CSNK1G2: variants seen among roughly 807,000 people sequenced by gnomAD.
CSNK1G2 encodes casein kinase 1 gamma 2.
CSNK1G2 carries 11 observed loss-of-function variants against 48.0 expected under a neutral mutation model. That is an observed-to-expected ratio of 0.23 (90% CI 0.14 to 0.38). The LOEUF (loss-of-function observed/expected upper bound fraction) is 0.38, where lower values mean the gene tolerates loss of function less well. Ranked by LOEUF, CSNK1G2 falls within the 10% of genes least tolerant of loss-of-function variation. The pLI is 1.00. For synonymous variants in CSNK1G2, 337 were observed against 254.1 expected, an observed-to-expected ratio of 1.33 and a Z score of -3.10; for missense variants, 446 against 595.5, an observed-to-expected ratio of 0.75 and a Z score of 2.61.
chr19:1,953,526 C>T lies in CSNK1G2; in HGVS notation c.-266+12108C>T, dbSNP rs774828687. The T allele has an allele frequency of 1.1e-5, 6 of 528,792 alleles. 1 individual carries two copies. The highest frequency in any genetic ancestry group is 8.5e-5 in the South Asian group (6 of 70,656). The allele number at this position is 528,792 out of a possible 1,614,324, so 32.8% of individuals were successfully genotyped here. A position where few individuals can be genotyped will look rare whatever the true frequency, so the allele number is the denominator to read the frequency against. ...CATAATCTGAATTTTGGGAAAATTG[C>T]CCCTATGTGGACTAGTTGCAGGGAC... On this transcript the variant is annotated intron_variant, in intron 1 of 11. Transcript: ENST00000255641.
chr19:1,971,772 T>A (rs1228475961), intron 2 of CSNK1G2, among the ~76,000 whole-genome samples: 1 of 148,164 alleles, frequency 6.7e-6, no homozygotes, highest in Admixed American at 6.7e-5. Context: ...CCAGCTTTTT[T>A]TTTTTTTTTT....
Position 1,979,659 on chromosome 19 carries a change from C to T in CSNK1G2, c.1002+16C>T. The T allele has an allele frequency of 6.2e-7, 1 of 1,601,822 alleles. No homozygotes were observed. Among genetic ancestry groups the T allele is most frequent in the Non-Finnish European group, 8.5e-7 (1 of 1,179,702 alleles). ...GAAGCCCCTGGTAGGTGGGGGGGTG[C>T]CGGTATGTGGGAGCGGGGGACCGGG... On this transcript the variant is annotated intron_variant, in intron 9 of 11. Coordinates refer to ENST00000255641, the MANE Select transcript of CSNK1G2 (RefSeq NM_001319.7).
Position 1,978,927 on chromosome 19 carries a change from G to C in CSNK1G2, c.516G>C (p.Leu172=). The C allele has an allele frequency of 6.2e-7, 1 of 1,602,422 alleles. No individual in the cohort carries two copies. The highest frequency in any genetic ancestry group is 8.5e-7 in the Non-Finnish European group (1 of 1,179,628). The change falls in exon 6 of 12, where the codon CTG becomes CTC. Residue 172 remains leucine, a synonymous_variant. Transcript: ENST00000255641. This position sits in a 1 kb window ranked among gnomAD's most constrained non-coding sequence, Gnocchi z 7.3. ...IYRDVKPENF[L]VGRPGTKRQH... is the part of the protein sequence containing the mutation. Reference sequence around the variant, plus strand: ...GGGACGTGAAGCCCGAGAACTTCCTGGTGGGCCGCCCGGGGACCAAGCGGC... The same window carrying C: ...GGGACGTGAAGCCCGAGAACTTCCTCGTGGGCCGCCCGGGGACCAAGCGGC...
At position 1,967,726 on chromosome 19, in the gene CSNK1G2, CTCCTCCT is replaced by C. The variant is rs1260884369; in HGVS notation, c.-265-1775_-265-1769del. ...CCACCCTTCAGTTCTGCAGGTGGGG[CTCCTCCT>C]TCCTCCCTCCTCCCCAGGCTGCCCC... On this transcript the variant is annotated intron_variant, in intron 1 of 11. Transcript: ENST00000255641. Among the ~76,000 whole-genome samples the C allele has an allele frequency of 6.7e-3, 522 of 78,286 alleles. 2 individuals carry two copies. Among genetic ancestry groups the C allele is most frequent in the Non-Finnish European group, 7.7e-3 (333 of 43,076 alleles). The allele number at this position is 78,286 out of a possible 152,430, so 51.4% of individuals were successfully genotyped here.
intron 1 of CSNK1G2, chr19:1,954,469 C>T (rs1375635657): frequency 6.3e-6 from 1 of 158,572 alleles, no homozygotes; most frequent in Non-Finnish European, 1.4e-5. Context: ...CGGCCGGGTC[C>T]ACATGAGTCT....
intron 1 of CSNK1G2, among the ~76,000 whole-genome samples, chr19:1,947,535 C>T (rs937488487): frequency 4.6e-5 from 7 of 152,320 alleles, no homozygotes; most frequent in East Asian, 1.9e-4. Flanking sequence ...GTTCCCAGGA[C>T]GGGAGCCTGA....
intron 2 of CSNK1G2, among the ~76,000 whole-genome samples, chr19:1,973,010 CT>C (rs1015471039): frequency 1.6e-4 from 24 of 150,700 alleles, no homozygotes; most frequent in Non-Finnish European, 3.4e-4. Flanking sequence ...TCACTGCAAG[CT>C]CTGCCTCCCA....
intron 1 of CSNK1G2, among the ~76,000 whole-genome samples, chr19:1,962,082 C>A (rs550143651): frequency 1.5e-4 from 23 of 152,334 alleles, no homozygotes; most frequent in African/African-American, 5.1e-4. Flanking sequence ...GTAATCCCAA[C>A]ACTTTGGGAG....
chr19:1,979,431 TGCCCCCCACCCCCC>T, intron 8 of CSNK1G2, 28 bp downstream of exon 8: 1 of 938,058 alleles, frequency 1.1e-6, no homozygotes, highest in Non-Finnish European at 1.6e-6. Context: ...CCCCGCCCTG[TGCCCCCCACCCCCC>T]ACCCCCCACC....
chr19:1,954,186 TC>T (rs2014895834), intron 1 of CSNK1G2: 1 of 388,812 alleles, frequency 2.6e-6, no homozygotes, highest in Admixed American at 3.3e-5. Context: ...CCGCGGCAGC[TC>T]CTGCGCCCCT....
At chr19:1,952,942 T>A (rs1475915763) in intron 1 of CSNK1G2, 1 of 440,686 alleles carries the variant, frequency 2.3e-6, no homozygotes, top group Non-Finnish European at 4.4e-6. Context: ...CGGGGCGGGA[T>A]GTCGCCCGGC....
intron 6 of CSNK1G2, 32 bp downstream of exon 6, chr19:1,979,125 G>A (rs991097765): frequency 5.1e-6 from 8 of 1,569,132 alleles, no homozygotes; most frequent in Middle Eastern, 1.7e-4. Context: ...GGGGGCGGGC[G>A]CCCGGACCCC....
At chr19:1,967,320 G>A (rs1321863714) in intron 1 of CSNK1G2, among the ~76,000 whole-genome samples, 1 of 152,084 alleles carries the variant, frequency 6.6e-6, no homozygotes. Flanking sequence ...GTGCACCCAC[G>A]GCCCCTCTTC....
chr19:1,957,506 A>G lies in CSNK1G2; in HGVS notation c.-265-12002A>G, dbSNP rs1278276229. On this transcript the variant is annotated intron_variant, in intron 1 of 11. Transcript: ENST00000255641. The surrounding 1 kb of genome is among the most constrained non-coding windows in gnomAD (Gnocchi z 5.4). The stretch of plus-strand genomic sequence containing the variant: ...CCTTGGGTTTGCTGTTAGGAGGGAC[A>G]GTGAGCGCAGGCACCTCTCTCTCCA... Among the ~76,000 whole-genome samples, 1 of 152,192 alleles carries G rather than the reference A, an allele frequency of 6.6e-6. No individual in the cohort carries two copies. Among genetic ancestry groups the G allele is most frequent in the Non-Finnish European group, 1.5e-5 (1 of 68,022 alleles).
In CSNK1G2 at chr19:1,959,846, C is replaced by G. The variant is rs1159880868; in HGVS notation, c.-265-9662C>G. ...TAGTACCACCCTGAGTCCCCCAGCACCTGTGCCACCTTTAGTGCCACCGTG... is the reference window on the plus strand; with the variant it reads ...TAGTACCACCCTGAGTCCCCCAGCAGCTGTGCCACCTTTAGTGCCACCGTG... On this transcript the variant is annotated intron_variant, in intron 1 of 11. Coordinates refer to ENST00000255641, the MANE Select transcript of CSNK1G2 (RefSeq NM_001319.7). Among the ~76,000 whole-genome samples the G allele has an allele frequency of 4.2e-4, 58 of 137,456 alleles. 3 individuals are homozygous for G. Among genetic ancestry groups the G allele is most frequent in the African/African-American group, 1.9e-3 (56 of 29,746 alleles). The allele number at this position is 137,456 out of a possible 152,430, so 90.2% of individuals were successfully genotyped here.
chr19:1,965,893 C>A lies in CSNK1G2; in HGVS notation c.-265-3615C>A, dbSNP rs533643845. ...CTCACTTTAGCCTCCACCTCCCAGGCTCAAGCGATCCTCTCACCTCAGTCT... is the reference window on the plus strand; with the variant it reads ...CTCACTTTAGCCTCCACCTCCCAGGATCAAGCGATCCTCTCACCTCAGTCT... On this transcript the variant is annotated intron_variant, in intron 1 of 11. Coordinates refer to ENST00000255641, the MANE Select transcript of CSNK1G2 (RefSeq NM_001319.7). Among the ~76,000 whole-genome samples the A allele has an allele frequency of 1.5e-3, 222 of 152,260 alleles. 3 individuals carry two copies. Among genetic ancestry groups the A allele is most frequent in the African/African-American group, 5.2e-3 (214 of 41,552 alleles).
chr19:1,979,711 G>A lies in CSNK1G2; in HGVS notation c.1003-41G>A, dbSNP rs200414359. 1.5e-5 allele frequency: 24 copies of A among 1,602,626 alleles called. No homozygotes were observed. The Admixed American group carries it at 1.5e-4, about 10-fold the overall frequency. ...AACTGCCCTGAGGGAGATGGGAACC[G>A]GCGCTGCAGCCCATCCTGACCCCTG... On this transcript the variant is annotated intron_variant, in intron 9 of 11. Coordinates refer to ENST00000255641, the MANE Select transcript of CSNK1G2 (RefSeq NM_001319.7).
intron 1 of CSNK1G2, among the ~76,000 whole-genome samples, chr19:1,950,596 G>A (rs560904960): frequency 1.4e-5 from 2 of 146,692 alleles, no homozygotes; most frequent in East Asian, 4.2e-4. Flanking sequence ...GCCTCTGGGA[G>A]ACAGGAGGGG....
intron 2 of CSNK1G2, among the ~76,000 whole-genome samples, chr19:1,970,736 G>T (rs1372431990): frequency 2.6e-5 from 4 of 152,218 alleles, no homozygotes; most frequent in African/African-American, 4.8e-5. Flanking sequence ...AGGGCATTTG[G>T]CGTCTGTTGC....
Sources: gnomAD v4.1 joint callset for allele counts (sites outside exome capture counted in the v4.1 genomes callset) on GRCh38, gnomAD v4.1.1 for gene constraint, Gnocchi (gnomAD v3.1) non-coding constraint, MANE v1.5 for transcripts, NCBI Gene and HGNC (gene_info 2026-07-23, HGNC 2026-07-21) for gene names.